The following AGL variants were observed in gnomAD, a reference collection of about 807,000 sequenced individuals.
AGL encodes the protein amylo-alpha-1,6-glucosidase and 4-alpha-glucanotransferase, also known as glycogen debranching enzyme.
Under a neutral mutation model 199.3 loss-of-function variants are expected in AGL, and 128 were observed. That is an observed-to-expected ratio of 0.64 (90% CI 0.56 to 0.74). The LOEUF (loss-of-function observed/expected upper bound fraction) is 0.74. Ranked by LOEUF, AGL falls within the 30% of genes least tolerant of loss-of-function variation. The pLI is 0.00. For missense variants in AGL, 1,809 were observed against 1,820.8 expected, an observed-to-expected ratio of 0.99 and a Z score of 0.12; for synonymous variants, 584 against 594.7, an observed-to-expected ratio of 0.98 and a Z score of 0.26.
chr1:99,904,850 T>TAACCATTCATCCA (rs1370165125), intron 27 of AGL, among the ~76,000 whole-genome samples: 1 of 152,206 alleles, frequency 6.6e-6, no homozygotes, highest in Non-Finnish European at 1.5e-5. Context: ...AGTATTTATT[T>TAACCATTCATCCA]AACCATTCAT....
intron 2 of AGL, among the ~76,000 whole-genome samples, chr1:99,857,808 G>GGAGGGGGGAGAGGGAGACCGTGGGGAGGA (rs1557743455): frequency 2.2e-5 from 2 of 90,764 alleles, no homozygotes; most frequent in Non-Finnish European, 4.2e-5. Context: ...CGTGGGGAGG[G>GGAGGGGGGAGAGGGAGACCGTGGGGAGGA]GGAGGGGGGA....
chr1:99,888,270 TTG>T (rs758300747), intron 21 of AGL, among the ~76,000 whole-genome samples, 162 bp downstream of exon 21: 78 of 152,304 alleles, frequency 5.1e-4, no homozygotes, highest in Middle Eastern at 3.4e-3. Context: ...TATAACCTCT[TTG>T]TGTGCCAATT....
In AGL at chr1:99,915,485, G is replaced by GGGAGATTCCTTAA; in HGVS notation, c.4258_4259insGGAGATTCCTTAA (p.Asp1420GlyfsTer6). 2 of 1,595,054 alleles carry GGGAGATTCCTTAA rather than the reference G, an allele frequency of 1.3e-6. No homozygotes were observed. Among genetic ancestry groups the GGGAGATTCCTTAA allele is most frequent in the Non-Finnish European group, 1.7e-6 (2 of 1,163,264 alleles). On this transcript the variant is annotated frameshift_variant and splice_region_variant, in exon 31 of 34. Coordinates refer to ENST00000361915, the MANE Select transcript of AGL (RefSeq NM_000642.3). LOFTEE classifies it high-confidence loss of function. ...CCTTGGCATGAAAACTTTAGATCCA[G>GGGAGATTCCTTAA]AGTAAGTTGGAATATAAGTATTAAG...
In AGL at chr1:99,892,530, C is replaced by T. The variant is rs995813930; in HGVS notation, c.3182C>T (p.Pro1061Leu). The T allele has an allele frequency of 1.9e-6, 3 of 1,613,598 alleles. No individual in the cohort carries two copies. Among genetic ancestry groups the T allele is most frequent in the Non-Finnish European group, 2.5e-6 (3 of 1,179,662 alleles). Residue 1061 changes from proline to leucine, a missense_variant, in exon 24 of 34, where the codon CCT (proline) becomes CTT (leucine). Coordinates refer to ENST00000361915, the MANE Select transcript of AGL (RefSeq NM_000642.3). ...GKFPSLPILS[P>L]ALMDVPYRLN... ...TTCCCTTCCCTGCCAATTCTTTCACCTGCCCTAATGGATGTACCTTATAGG... is the reference window on the plus strand; with the variant it reads ...TTCCCTTCCCTGCCAATTCTTTCACTTGCCCTAATGGATGTACCTTATAGG...
rs1355564412 is a variant in AGL, at chr1:99,884,004, AAGT to A, written c.2309-114_2309-112del. ...CATCTACTTTCAGACTTCTAAAAAAAAGTAACTGATAATTTGTTTTCAACTTTA... is the reference window on the plus strand; with the variant it reads ...CATCTACTTTCAGACTTCTAAAAAAAAACTGATAATTTGTTTTCAACTTTA... On this transcript the variant is annotated intron_variant, in intron 17 of 33. Transcript: ENST00000361915. The A allele has an allele frequency of 2.1e-5, 18 of 869,680 alleles. No individual in the cohort carries two copies. The African/African-American group carries it at 3.0e-4, about 15-fold the overall frequency. The allele number at this position is 869,680 out of a possible 1,614,324, so 53.9% of individuals were successfully genotyped here. A position where few individuals can be genotyped will look rare whatever the true frequency, so the allele number is the denominator to read the frequency against.
intron 20 of AGL, among the ~76,000 whole-genome samples, chr1:99,887,260 T>G (rs1476090001): frequency 6.6e-6 from 1 of 152,226 alleles, no homozygotes; most frequent in Non-Finnish European, 1.5e-5. Context: ...AAAATACAGT[T>G]TCAGCTGTAT....
At position 99,862,336 on chromosome 1, in the gene AGL, G is replaced by A. The variant is rs755919237; in HGVS notation, c.373G>A (p.Asp125Asn). Residue 125 changes from aspartate (D) to asparagine (N), a missense_variant, in exon 4 of 34, where the codon GAC becomes AAC. Asp to Asn is a conservative substitution (Grantham distance 23). Coordinates refer to ENST00000361915, the MANE Select transcript of AGL (RefSeq NM_000642.3). ...TGCTGATAATCATGTGCTACCCTTG[G>A]ACTGTGTTACTCTTCAGACATTTTT... ...VGADNHVLPL[D>N]CVTLQTFLAK... The A allele has an allele frequency of 1.9e-6, 3 of 1,614,006 alleles. No homozygotes were observed. The South Asian group carries it at 3.3e-5, about 18-fold the overall frequency.
intron 21 of AGL, among the ~76,000 whole-genome samples, chr1:99,888,451 T>C (rs1244334501): frequency 6.6e-6 from 1 of 152,214 alleles, no homozygotes; most frequent in African/African-American, 2.4e-5. Context: ...TCTGTATAGC[T>C]CTTTATGTAT....
rs1165628984 is a variant in AGL, at chr1:99,892,413, T to G, written c.3084-19T>G. The G allele has an allele frequency of 6.2e-7, 1 of 1,609,754 alleles. No homozygotes were observed. Among genetic ancestry groups the G allele is most frequent in the Non-Finnish European group, 8.5e-7 (1 of 1,176,452 alleles). On this transcript the variant is annotated intron_variant, in intron 23 of 33. Transcript: ENST00000361915. ...AATTGTATTTCTACAAGTAATAAATTCAATCACTTTTGTTACAGCTTTGTT... is the reference window on the plus strand; with the variant it reads ...AATTGTATTTCTACAAGTAATAAATGCAATCACTTTTGTTACAGCTTTGTT...
At chr1:99,865,602 G>A (rs1650440450) in intron 5 of AGL, among the ~76,000 whole-genome samples, 1 of 152,216 alleles carries the variant, frequency 6.6e-6, no homozygotes, top group South Asian at 2.1e-4. Flanking sequence ...GCCATCAGCA[G>A]CTTTGGGTTT....
chr1:99,913,247 A>G (rs1487513819), intron 29 of AGL, among the ~76,000 whole-genome samples: 1 of 152,110 alleles, frequency 6.6e-6, no homozygotes, highest in Non-Finnish European at 1.5e-5. Context: ...ATTTTATTTA[A>G]CTCAGTGTAT....
intron 12 of AGL, 100 bp downstream of exon 12, chr1:99,877,928 T>TG: frequency 8.6e-7 from 1 of 1,161,836 alleles, no homozygotes; most frequent in Non-Finnish European, 1.3e-6. Flanking sequence ...CTTTTGCTAG[T>TG]TGGACACAAG....
At chr1:99,884,757 T>A (rs1254131533) in intron 20 of AGL, 54 bp downstream of exon 20, 22 of 1,601,986 alleles carry the variant, frequency 1.4e-5, no homozygotes, top group Non-Finnish European at 1.6e-5. Flanking sequence ...AAGTTACCAC[T>A]AGACTGAATT....
chr1:99,909,300 G>T (rs1468620831), intron 27 of AGL, among the ~76,000 whole-genome samples: 12 of 152,106 alleles, frequency 7.9e-5, no homozygotes, highest in Non-Finnish European at 1.5e-4. Context: ...CTACTGCCAG[G>T]TTGGGTGTGG....
rs192831340 is a variant in AGL, at chr1:99,919,413, C to G, written c.4482-2121C>G. On this transcript the variant is annotated intron_variant, in intron 33 of 33. Coordinates refer to ENST00000361915, the MANE Select transcript of AGL (RefSeq NM_000642.3). ...CTTTCTGGCCCAGCAAGGTTTTCAACACTCATCTTTCACTTTCACTACCCC... is the reference window on the plus strand; with the variant it reads ...CTTTCTGGCCCAGCAAGGTTTTCAAGACTCATCTTTCACTTTCACTACCCC... Among the ~76,000 whole-genome samples, 613 of 152,274 alleles carry G rather than the reference C, an allele frequency of 4.0e-3. 1 individual carries two copies. Among genetic ancestry groups the G allele is most frequent in the Admixed American group, 7.4e-3 (113 of 15,304 alleles).
rs908927015 is a variant in AGL, at chr1:99,923,316, A to G, written c.*1665A>G. 1.3e-5 allele frequency: 2 copies of G among 152,162 alleles called. No individual in the cohort carries two copies. Among genetic ancestry groups the G allele is most frequent in the African/African-American group, 2.4e-5 (1 of 41,448 alleles). The allele number at this position is 152,162 out of a possible 1,614,324, so 9.4% of individuals were successfully genotyped here. A position where few individuals can be genotyped will look rare whatever the true frequency, so the allele number is the denominator to read the frequency against. ...TCCTTGAGAGAACCATTAGTTTATC[A>G]AAGGTTTATGTAGTTTTGTTGCTGT... is the stretch of plus-strand genomic sequence containing the variant. On this transcript the variant is annotated 3_prime_UTR_variant, in exon 34 of 34. Transcript: ENST00000361915.
chr1:99,920,866 G>A (rs1481513066), intron 33 of AGL, among the ~76,000 whole-genome samples: 2 of 152,078 alleles, frequency 1.3e-5, no homozygotes, highest in Non-Finnish European at 2.9e-5. Flanking sequence ...TAAATTTGAT[G>A]TGCTAACATC....
rs1650333549 is a variant in AGL, at chr1:99,864,483, A to C, written c.558A>C (p.Ser186=). 1.9e-6 allele frequency: 3 copies of C among 1,613,910 alleles called. No individual in the cohort carries two copies. The highest frequency in any genetic ancestry group is 2.5e-6 in the Non-Finnish European group (3 of 1,179,866). ...ANQLELNPDF[S]RPNRKYTWND... ...AGTTAGAATTAAATCCTGACTTTTC[A>C]AGACCTAATAGAAAGTATACCTGGA... is the stretch of plus-strand genomic sequence containing the variant. The change falls in exon 5 of 34, where the codon TCA becomes TCC. Residue 186 remains serine (S), a synonymous_variant. Coordinates refer to ENST00000361915, the MANE Select transcript of AGL (RefSeq NM_000642.3).
intron 24 of AGL, among the ~76,000 whole-genome samples, chr1:99,894,327 A>C (rs1653140873): frequency 6.6e-6 from 1 of 152,214 alleles, no homozygotes; most frequent in African/African-American, 2.4e-5. Flanking sequence ...TAGAGATTTT[A>C]TAGTTTTGAC....
Sources: gnomAD v4.1 joint callset for allele counts (sites outside exome capture counted in the v4.1 genomes callset) on GRCh38, gnomAD v4.1.1 for gene constraint, MANE v1.5 for transcripts, NCBI Gene and HGNC (gene_info 2026-07-23, HGNC 2026-07-21) for gene names.